Variants in ZNF490 observed in about 807,000 individuals in gnomAD.
The protein encoded by ZNF490 is zinc finger protein 490.
ZNF490 carries 11 observed loss-of-function variants against 17.7 expected under a neutral mutation model. The observed-to-expected ratio is 0.62, with a 90% CI of 0.39 to 1.03. The LOEUF (loss-of-function observed/expected upper bound fraction) is 1.03, where lower values mean the gene tolerates loss of function less well. ZNF490 is among the 50% of genes least tolerant of loss of function. The pLI, the probability that ZNF490 is intolerant of heterozygous loss-of-function variation, is 0.00. For synonymous variants in ZNF490, 222 were observed against 216.1 expected, an observed-to-expected ratio of 1.03 and a Z score of -0.24; for missense variants, 542 against 643.4, an observed-to-expected ratio of 0.84 and a Z score of 1.71.
At chr19:12,589,491 AAATG>A (rs1033736171) in intron 2 of ZNF490, among the ~76,000 whole-genome samples, 5 of 152,288 alleles carry the variant, frequency 3.3e-5, no homozygotes, top group South Asian at 2.1e-4. Context: ...GAAAGGGGGA[AAATG>A]AAGAAGCACT....
intron 4 of ZNF490, among the ~76,000 whole-genome samples, chr19:12,582,143 C>T (rs867178288): frequency 7.2e-5 from 11 of 152,228 alleles, no homozygotes; most frequent in South Asian, 6.2e-4. Context: ...TCAGGTGATC[C>T]GCTCGCCTCA....
chr19:12,607,925 C>T (rs2023090614), intron 2 of ZNF490, among the ~76,000 whole-genome samples: 1 of 152,118 alleles, frequency 6.6e-6, no homozygotes, highest in Non-Finnish European at 1.5e-5. Flanking sequence ...AAATGTCAGG[C>T]AAGTTCCTGG....
Position 12,580,228 on chromosome 19 carries a change from T to A in ZNF490, c.*257A>T. 8.1e-7 allele frequency: 1 copy of A among 1,227,812 alleles called. No homozygotes were observed. Among genetic ancestry groups the A allele is most frequent in the Non-Finnish European group, 1.0e-6 (1 of 982,460 alleles). 76.1% of individuals were successfully genotyped at this position (1,227,812 alleles called of 1,614,324 possible). On this transcript the variant is annotated 3_prime_UTR_variant, in exon 5 of 5. Coordinates refer to ENST00000311437, the MANE Select transcript of ZNF490 (RefSeq NM_020714.3). Reference sequence around the variant, plus strand: ...TTAAAAGATTACGTGAAGTGAAGGCTTTCCTACACTCCATACATTCGTAGC... The same window carrying A: ...TTAAAAGATTACGTGAAGTGAAGGCATTCCTACACTCCATACATTCGTAGC...
At position 12,581,247 on chromosome 19, in the gene ZNF490, T is replaced by C; in HGVS notation, c.828A>G (p.Lys276=). The change falls in exon 5 of 5, where the codon AAA becomes AAG. Residue 276 remains lysine (K), a synonymous_variant. Transcript: ENST00000311437. ...TTCCACACTGTTTACATTTGTAGGG[T>C]TTCTCTCCAGTGTGATTTTTTTCAT... ...RRHEKNHTGE[K]PYKCKQCGKA... is the part of the protein sequence containing the mutation. 6.2e-7 allele frequency: 1 copy of C among 1,614,098 alleles called. No homozygotes were observed. The highest frequency in any genetic ancestry group is 8.5e-7 in the Non-Finnish European group (1 of 1,180,024).
At chr19:12,600,811 T>G (rs2145161739) in intron 2 of ZNF490, among the ~76,000 whole-genome samples, 1 of 152,158 alleles carries the variant, frequency 6.6e-6, no homozygotes, top group Middle Eastern at 3.4e-3. Context: ...GACATCAGAA[T>G]AGAGAAAAAA....
At chr19:12,585,304 G>C (rs1232066485) in intron 2 of ZNF490, among the ~76,000 whole-genome samples, 1 of 93,314 alleles carries the variant, frequency 1.1e-5, no homozygotes, top group South Asian at 2.9e-4. Flanking sequence ...CACTTTGGGA[G>C]GCAGAGGTGG....
Position 12,577,644 on chromosome 19 carries a change from T to C in ZNF490, c.*2841A>G. ...CTGAGGCCTCATCTGCCAGCAAACC[T>C]TGCTCCAGTCGGCCTCTGGACCCTA... On this transcript the variant is annotated 3_prime_UTR_variant, in exon 5 of 5. Transcript: ENST00000311437. 1 of 985,432 alleles carries C rather than the reference T, an allele frequency of 1.0e-6. No individual in the cohort carries two copies. Among genetic ancestry groups the C allele is most frequent in the Non-Finnish European group, 1.2e-6 (1 of 829,938 alleles). 61.0% of individuals were successfully genotyped at this position (985,432 alleles called of 1,614,324 possible).
At chr19:12,583,919 T>G (rs1247049207) in intron 2 of ZNF490, among the ~76,000 whole-genome samples, 1 of 150,350 alleles carries the variant, frequency 6.7e-6, no homozygotes, top group Non-Finnish European at 1.5e-5. Context: ...CACACCATTC[T>G]CCTGTCTCAG....
Position 12,581,109 on chromosome 19 carries a change from C to T in ZNF490, c.966G>A (p.Arg322=), listed in dbSNP as rs2022726613. The T allele has an allele frequency of 6.2e-7, 1 of 1,613,910 alleles. No homozygotes were observed. Among genetic ancestry groups the T allele is most frequent in the African/African-American group, 1.3e-5 (1 of 74,862 alleles). ...GKAFSCPTYL[R]SHEKTHTGEK... ...CTCCAGTATGAGTTTTCTCATGACT[C>T]CGTAAGTACGTGGGACAACTGAAGG... Residue 322 remains arginine (R), a synonymous_variant, in exon 5 of 5, where the codon CGG becomes CGA. Transcript: ENST00000311437.
At chr19:12,604,832 AAAT>A (rs913419825) in intron 2 of ZNF490, among the ~76,000 whole-genome samples, 12 of 151,216 alleles carry the variant, frequency 7.9e-5, no homozygotes, top group African/African-American at 2.4e-4. Flanking sequence ...CTCAAAAAAA[AAAT>A]AATAATAATA....
chr19:12,601,650 T>G (rs1649701447), intron 2 of ZNF490, among the ~76,000 whole-genome samples: 1 of 152,098 alleles, frequency 6.6e-6, no homozygotes, highest in Admixed American at 6.6e-5. Flanking sequence ...CGGCCCAATT[T>G]TATTATTTTT....
intron 2 of ZNF490, among the ~76,000 whole-genome samples, chr19:12,583,811 A>ATAT (rs1290469134): frequency 2.5e-5 from 2 of 78,668 alleles, no homozygotes; most frequent in African/African-American, 1.0e-4. Context: ...ATATATATAT[A>ATAT]TTTTTTTTTT....
In ZNF490 at chr19:12,605,875, A is replaced by AT. The variant is rs199874922; in HGVS notation, c.162+3282dup. 1.1e-3 allele frequency among the ~76,000 whole-genome samples: 174 copies of AT among 151,342 alleles called. 1 individual carries two copies. The highest frequency in any genetic ancestry group is 6.8e-3 in the Middle Eastern group (2 of 294). On this transcript the variant is annotated intron_variant, in intron 2 of 4. Transcript: ENST00000311437. Reference sequence around the variant, plus strand: ...AGTGTATTTGAGACCCTCGAATAGGATTTTTTTTTAATTTAATTTTTTTTT... The same window carrying AT: ...AGTGTATTTGAGACCCTCGAATAGGATTTTTTTTTTAATTTAATTTTTTTTT...
intron 2 of ZNF490, among the ~76,000 whole-genome samples, chr19:12,599,139 C>CAAAAAAAAAAAAAAAAAAAAAAAAAA (rs55911311): frequency 5.8e-5 from 4 of 68,630 alleles, no homozygotes; most frequent in Admixed American, 2.1e-4. Context: ...GACTCTGTCT[C>CAAAAAAAAAAAAAAAAAAAAAAAAAA]AAAAAAAAAA....
At chr19:12,597,310 C>A (rs1599310663) in intron 2 of ZNF490, 4 of 401,618 alleles carry the variant, frequency 1.0e-5, no homozygotes, top group South Asian at 3.6e-5. Flanking sequence ...GCATTCAGAG[C>A]TAGGGTGCAA....
chr19:12,590,884 A>G lies in ZNF490; in HGVS notation c.163-7328T>C, dbSNP rs531693980. ...ACTTCAGCCCAGGAGTTCAAGACCA[A>G]TGTGGGCAACATAACAACACTCCAT... On this transcript the variant is annotated intron_variant, in intron 2 of 4. Transcript: ENST00000311437. Among the ~76,000 whole-genome samples, 13 of 151,514 alleles carry G rather than the reference A, an allele frequency of 8.6e-5. No homozygotes were observed. The East Asian group carries it at 2.3e-3, about 27-fold the overall frequency.
chr19:12,582,068 T>A (rs556694986), intron 4 of ZNF490, among the ~76,000 whole-genome samples: 38 of 151,640 alleles, frequency 2.5e-4, no homozygotes, highest in African/African-American at 9.2e-4. Flanking sequence ...ATTGCAGACA[T>A]GCACCACCAC....
chr19:12,576,500 G>C lies in ZNF490; in HGVS notation c.*3985C>G, dbSNP rs2022637770. On this transcript the variant is annotated 3_prime_UTR_variant, in exon 5 of 5. Transcript: ENST00000311437. ...CAGCTTGGTGACAGAGCGAGACTGTGTCTCAAAAAAACAACAAACAAACAA... is the reference window on the plus strand; with the variant it reads ...CAGCTTGGTGACAGAGCGAGACTGTCTCTCAAAAAAACAACAAACAAACAA... Among the ~76,000 whole-genome samples the C allele has an allele frequency of 6.6e-6, 1 of 150,652 alleles. No homozygotes were observed. Among genetic ancestry groups the C allele is most frequent in the Non-Finnish European group, 1.5e-5 (1 of 67,758 alleles).
chr19:12,581,983 G>A (rs549457945), intron 4 of ZNF490, among the ~76,000 whole-genome samples: 6 of 152,080 alleles, frequency 3.9e-5, no homozygotes, highest in South Asian at 2.1e-4. Context: ...GTGCAGTGGC[G>A]TGATCTCAGC....
Sources: allele counts gnomAD v4.1 joint callset (sites outside exome capture counted in the v4.1 genomes callset), GRCh38; gene constraint gnomAD v4.1.1; transcripts MANE v1.5; gene names NCBI Gene and HGNC (gene_info 2026-07-23, HGNC 2026-07-21).